The following PCDHA1 variants were observed in gnomAD, a reference collection of about 807,000 sequenced individuals.
PCDHA1 encodes protocadherin alpha 1.
A neutral mutation model predicts 61.3 loss-of-function variants in PCDHA1; 42 were observed. The ratio of observed to expected loss-of-function variants is 0.69; its 90% confidence interval spans 0.54 to 0.89. The LOEUF (loss-of-function observed/expected upper bound fraction) is 0.89, where lower values mean the gene tolerates loss of function less well. Ranked by LOEUF, PCDHA1 falls within the 40% of genes least tolerant of loss-of-function variation. PCDHA1 has a pLI of 0.00. For synonymous variants in PCDHA1, 610 were observed against 553.8 expected, an observed-to-expected ratio of 1.10 and a Z score of -1.43; for missense variants, 1,256 against 1,235.3, an observed-to-expected ratio of 1.02 and a Z score of -0.25.
intron 1 of PCDHA1, chr5:140,966,420 G>C (rs2096000872): frequency 2.4e-6 from 1 of 421,302 alleles, no homozygotes; most frequent in South Asian, 1.0e-4. Flanking sequence ...AGCAGGACTT[G>C]CTGAGCCCTC....
chr5:140,817,377 T>A (rs1766124750), intron 1 of PCDHA1: 1 of 152,226 alleles, frequency 6.6e-6, no homozygotes, highest in South Asian at 2.1e-4. Flanking sequence ...TCGGCACTTA[T>A]CACCATGGGA....
At chr5:140,823,104 A>G (rs1554129140) in intron 1 of PCDHA1, 7 of 1,613,870 alleles carry the variant, frequency 4.3e-6, no homozygotes, top group Middle Eastern at 1.6e-4. Context: ...TGTCTGTGGA[A>G]GTGGCCGACG....
chr5:140,894,675 A>G lies in PCDHA1; in HGVS notation c.2395-84274A>G, dbSNP rs78197412. Reference sequence around the variant, plus strand: ...CTAATTCTGATTTGTGTATTCTTGCATAGCTTTTCATTATTTTCTAAAAAT... The same window carrying G: ...CTAATTCTGATTTGTGTATTCTTGCGTAGCTTTTCATTATTTTCTAAAAAT... On this transcript the variant is annotated intron_variant, in intron 1 of 3. Coordinates refer to ENST00000504120, the MANE Select transcript of PCDHA1 (RefSeq NM_018900.4). 4.6e-3 allele frequency among the ~76,000 whole-genome samples: 702 copies of G among 151,998 alleles called. 3 individuals carry two copies. The highest frequency in any genetic ancestry group is 0.016 in the African/African-American group (679 of 41,480).
At chr5:140,982,360 AG>A in intron 2 of PCDHA1, 114 bp from the exon 3 acceptor site, 1 of 1,527,158 alleles carries the variant, frequency 6.5e-7, no homozygotes, top group Non-Finnish European at 8.8e-7. Context: ...AAGCATGAGC[AG>A]AATGTGTTAG....
At chr5:140,838,905 AC>A (rs1331540825) in intron 1 of PCDHA1, among the ~76,000 whole-genome samples, 1 of 151,998 alleles carries the variant, frequency 6.6e-6, no homozygotes, top group African/African-American at 2.4e-5. Context: ...ACAGAGCAAT[AC>A]CTTGCCTCAA....
At chr5:140,946,948 T>C (rs1315606645) in intron 1 of PCDHA1, among the ~76,000 whole-genome samples, 2 of 151,534 alleles carry the variant, frequency 1.3e-5, no homozygotes, top group African/African-American at 4.8e-5. Context: ...TTAAGAATAA[T>C]GTATATTTCA....
chr5:140,983,059 C>G (rs1325414567), intron 3 of PCDHA1, among the ~76,000 whole-genome samples: 1 of 151,980 alleles, frequency 6.6e-6, no homozygotes, highest in African/African-American at 2.4e-5. Flanking sequence ...TTATCGGAAC[C>G]AAGGCATTGT....
intron 1 of PCDHA1, among the ~76,000 whole-genome samples, chr5:140,837,948 G>A (rs1426509555): frequency 6.6e-6 from 1 of 151,422 alleles, no homozygotes; most frequent in Non-Finnish European, 1.5e-5. Context: ...CAAAGTATTG[G>A]GATTACAGAC....
At chr5:140,836,566 C>A (rs1774576501) in intron 1 of PCDHA1, 1 of 1,613,742 alleles carries the variant, frequency 6.2e-7, no homozygotes. Context: ...GCGCCGTCCT[C>A]TGAGGGCGCA....
intron 1 of PCDHA1, chr5:140,823,046 T>C: frequency 6.2e-7 from 1 of 1,614,200 alleles, no homozygotes; most frequent in South Asian, 1.1e-5. Flanking sequence ...GAGCTGGTGG[T>C]GACCGCGCGG....
intron 1 of PCDHA1, chr5:140,854,285 T>C (rs888416864): frequency 1.9e-6 from 1 of 521,658 alleles, no homozygotes; most frequent in Admixed American, 6.5e-5. Flanking sequence ...GAGTTTAGTT[T>C]TTATTATTTT....
intron 1 of PCDHA1, among the ~76,000 whole-genome samples, chr5:140,898,932 A>G (rs1330684874): frequency 6.6e-6 from 1 of 151,964 alleles, no homozygotes; most frequent in Admixed American, 6.6e-5. Flanking sequence ...ATTCCTAAGT[A>G]TTTTATTCTC....
chr5:140,887,125 C>A (rs1391575318), intron 1 of PCDHA1, among the ~76,000 whole-genome samples: 1 of 150,082 alleles, frequency 6.7e-6, no homozygotes, highest in East Asian at 2.0e-4. Context: ...GAGACGGAGT[C>A]TCACTCTGTC....
intron 1 of PCDHA1, chr5:140,875,520 C>T: frequency 1.2e-6 from 2 of 1,614,004 alleles, no homozygotes; most frequent in Non-Finnish European, 1.7e-6. Flanking sequence ...GTCTGCTGCT[C>T]TCGCTTCTGC....
chr5:140,951,662 G>A (rs1246504133), intron 1 of PCDHA1, among the ~76,000 whole-genome samples: 1 of 152,150 alleles, frequency 6.6e-6, no homozygotes, highest in African/African-American at 2.4e-5. Context: ...ACCAGGGCCT[G>A]CCTACAAAAT....
intron 2 of PCDHA1, 80 bp downstream of exon 2, chr5:140,979,087 A>C (rs1284249394): frequency 6.4e-7 from 1 of 1,561,170 alleles, no homozygotes; most frequent in Non-Finnish European, 8.7e-7. Flanking sequence ...CATAGGCCAG[A>C]AGCAGCTGTC....
chr5:140,940,610 G>A (rs1394761541), intron 1 of PCDHA1, among the ~76,000 whole-genome samples: 1 of 151,836 alleles, frequency 6.6e-6, no homozygotes, highest in Non-Finnish European at 1.5e-5. Context: ...GCTGCTCCTG[G>A]CTCCTGCAAA....
At chr5:140,809,077 G>C (rs1554124986) in intron 1 of PCDHA1, 2 of 1,613,962 alleles carry the variant, frequency 1.2e-6, no homozygotes, top group South Asian at 2.2e-5. Context: ...ACACTGGCGA[G>C]ATCAGCACAA....
chr5:140,853,680 C>T (rs142269623), intron 1 of PCDHA1: 5 of 988,078 alleles, frequency 5.1e-6, no homozygotes, highest in Non-Finnish European at 6.1e-6. Flanking sequence ...TATGGTCAAC[C>T]TATCCTTAGA....
Sources: allele counts gnomAD v4.1 joint callset (sites outside exome capture counted in the v4.1 genomes callset), GRCh38; gene constraint gnomAD v4.1.1; transcripts MANE v1.5; gene names NCBI Gene and HGNC (gene_info 2026-07-23, HGNC 2026-07-21).